The following QTMAN variants were observed in gnomAD, a reference collection of about 807,000 sequenced individuals.
The protein encoded by QTMAN is tRNA-queuosine alpha-mannosyltransferase.
At chr2:143,981,263 T>C in the QTMAN span, among the ~76,000 whole-genome samples, 1 of 152,144 alleles carries the variant, frequency 6.6e-6, no homozygotes, top group Non-Finnish European at 1.5e-5. Context: ...AATGAATGAA[T>C]GATAGCTGAA....
the QTMAN span, among the ~76,000 whole-genome samples, chr2:144,285,610 G>T: frequency 6.6e-6 from 1 of 152,160 alleles, no homozygotes; most frequent in Non-Finnish European, 1.5e-5. Context: ...AACATAAAAT[G>T]CTGGGTTTTG....
At chr2:144,039,358 C>G in the QTMAN span, among the ~76,000 whole-genome samples, 15,449 of 152,012 alleles carry the variant, frequency 0.1, 1,194 homozygotes, top group East Asian at 0.26. Context: ...TTAGGGAACA[C>G]TGCTCTAGGA....
At chr2:144,070,880 T>C in the QTMAN span, among the ~76,000 whole-genome samples, 1 of 152,092 alleles carries the variant, frequency 6.6e-6, no homozygotes, top group Non-Finnish European at 1.5e-5. Flanking sequence ...TAGGAATATG[T>C]CACAAAACTG....
the QTMAN span, among the ~76,000 whole-genome samples, chr2:144,264,131 T>C: frequency 6.6e-6 from 1 of 152,132 alleles, no homozygotes; most frequent in Non-Finnish European, 1.5e-5. Context: ...ATGCAGATAA[T>C]AACACCTAAT....
At chr2:144,325,945 T>C in the QTMAN span, among the ~76,000 whole-genome samples, 1 of 152,336 alleles carries the variant, frequency 6.6e-6, no homozygotes, top group South Asian at 2.1e-4. Flanking sequence ...AATTAAAGGT[T>C]TAGACTACTA....
the QTMAN span, among the ~76,000 whole-genome samples, chr2:144,095,296 T>A: frequency 6.6e-6 from 1 of 152,196 alleles, no homozygotes; most frequent in African/African-American, 2.4e-5. Context: ...GCATTTTTTA[T>A]AATACCATGA....
chr2:144,039,062 G>A, the QTMAN span, among the ~76,000 whole-genome samples: 1 of 151,922 alleles, frequency 6.6e-6, no homozygotes, highest in Non-Finnish European at 1.5e-5. Context: ...GGAGTCAAAG[G>A]TCTAGAAAGC....
the QTMAN span, among the ~76,000 whole-genome samples, chr2:144,149,123 A>G: frequency 2.6e-5 from 4 of 151,912 alleles, no homozygotes; most frequent in Non-Finnish European, 5.9e-5. Context: ...AATGAATGAC[A>G]TCACTTGATC....
At chr2:144,248,128 T>C in the QTMAN span, among the ~76,000 whole-genome samples, 33 of 150,752 alleles carry the variant, frequency 2.2e-4, no homozygotes, top group African/African-American at 7.5e-4. Flanking sequence ...TTTTACGTAA[T>C]AGTAAAACAC....
chr2:143,957,393 T>C, the QTMAN span: 9 of 1,167,760 alleles, frequency 7.7e-6, no homozygotes, highest in East Asian at 1.7e-4. Context: ...TAAAATGATA[T>C]GAGATGTCAG....
At chr2:144,093,506 AAAAC>A in the QTMAN span, among the ~76,000 whole-genome samples, 595 of 152,354 alleles carry the variant, frequency 3.9e-3, 12 homozygotes, top group Admixed American at 0.034. Flanking sequence ...CTAAAGTTAA[AAAAC>A]AAACAAACAA....
At chr2:144,039,025 C>T in the QTMAN span, among the ~76,000 whole-genome samples, 1 of 152,022 alleles carries the variant, frequency 6.6e-6, no homozygotes, top group Non-Finnish European at 1.5e-5. Context: ...AGGGAAATTA[C>T]TTAGTTTTAG....
the QTMAN span, among the ~76,000 whole-genome samples, chr2:143,983,849 G>C: frequency 6.6e-6 from 1 of 152,114 alleles, no homozygotes; most frequent in Non-Finnish European, 1.5e-5. Flanking sequence ...ATTACGTAGT[G>C]AACACTCAGT....
At chr2:144,173,442 C>T in the QTMAN span, among the ~76,000 whole-genome samples, 4 of 152,160 alleles carry the variant, frequency 2.6e-5, no homozygotes, top group South Asian at 2.1e-4. Context: ...GAAAGGTTCA[C>T]GTGGCAAGAA....
At chr2:144,066,073 T>C in the QTMAN span, among the ~76,000 whole-genome samples, 22 of 152,304 alleles carry the variant, frequency 1.4e-4, no homozygotes, top group Admixed American at 6.5e-4. Flanking sequence ...GAAAAAAATA[T>C]CTTCTGCATG....
the QTMAN span, chr2:144,145,651 G>A: frequency 1.2e-6 from 2 of 1,611,394 alleles, no homozygotes; most frequent in East Asian, 4.5e-5. Context: ...TGGTTCTCGT[G>A]AAAATACAGA....
the QTMAN span, among the ~76,000 whole-genome samples, chr2:143,957,596 C>A: frequency 6.6e-6 from 1 of 151,988 alleles, no homozygotes. Flanking sequence ...TCATAAAACT[C>A]GCTTAGCAGA....
the QTMAN span, among the ~76,000 whole-genome samples, chr2:144,095,696 T>C: frequency 6.6e-6 from 1 of 152,122 alleles, no homozygotes; most frequent in Non-Finnish European, 1.5e-5. Context: ...ATTCCTTATA[T>C]ATTTTCCTTT....
chr2:144,178,668 G>C, the QTMAN span: 1 of 178,462 alleles, frequency 5.6e-6, no homozygotes, highest in South Asian at 1.1e-4. Flanking sequence ...ATGGTCTGCA[G>C]CACCTACCCT....
Sources: allele counts gnomAD v4.1 joint callset (sites outside exome capture counted in the v4.1 genomes callset), GRCh38; gene constraint gnomAD v4.1.1; transcripts MANE v1.5; gene names NCBI Gene and HGNC (gene_info 2026-07-23, HGNC 2026-07-21).